The following LRP1B variants were observed in gnomAD, a reference collection of about 807,000 sequenced individuals.
The protein encoded by LRP1B is low-density lipoprotein receptor-related protein 1B.
LRP1B carries 217 observed loss-of-function variants against 556.6 expected under a neutral mutation model. That is an observed-to-expected ratio of 0.39 (90% CI 0.35 to 0.44). The LOEUF is 0.44. LRP1B is among the 20% of genes least tolerant of loss of function. The pLI, the probability that LRP1B is intolerant of heterozygous loss-of-function variation, is 1.00. For missense variants in LRP1B, 5,053 were observed against 5,620.8 expected (o/e 0.90, Z 3.23); for synonymous variants, 2,047 against 1,865.8 (o/e 1.10, Z -2.50).
chr2:140,580,114 C>T (rs1274823368), intron 43 of LRP1B, among the ~76,000 whole-genome samples: 3 of 152,140 alleles, frequency 2.0e-5, no homozygotes, highest in Non-Finnish European at 4.4e-5. Context: ...ACTGTGGCTG[C>T]TGATCTGGTG....
chr2:142,016,121 C>T (rs1489532384), intron 1 of LRP1B, among the ~76,000 whole-genome samples: 1 of 149,776 alleles, frequency 6.7e-6, no homozygotes, highest in Non-Finnish European at 1.5e-5. Flanking sequence ...CAAATGAAAA[C>T]CACAATGAGA....
At chr2:141,661,013 G>C (rs183254265) in intron 2 of LRP1B, among the ~76,000 whole-genome samples, 1 of 152,170 alleles carries the variant, frequency 6.6e-6, no homozygotes, top group East Asian at 1.9e-4. Flanking sequence ...GACACCTCCA[G>C]GTGCAGGAGG....
At chr2:140,715,867 C>A in intron 37 of LRP1B, 106 bp downstream of exon 37, 1 of 904,848 alleles carries the variant, frequency 1.1e-6, no homozygotes, top group East Asian at 2.6e-5. Context: ...GTAAGATATT[C>A]TTGATTTTGT....
rs1204893324 is a variant in LRP1B at position 141,265,476 on chromosome 2, T to TTC, written c.344-10836_344-10835insGA. 2.0e-5 allele frequency among the ~76,000 whole-genome samples: 3 copies of TTC among 152,176 alleles called. No individual in the cohort carries two copies. In the East Asian group the frequency reaches 5.8e-4, roughly 29 times the overall value. ...GCGCTAGAACTGTACCCTGCATGCA[T>TTC]AAGAGCCTTGAGGTCTATGCTGTGG... On this transcript the variant is annotated intron_variant, in intron 3 of 90. Coordinates refer to ENST00000389484, the MANE Select transcript of LRP1B (RefSeq NM_018557.3).
intron 43 of LRP1B, among the ~76,000 whole-genome samples, chr2:140,587,434 G>C (rs1384541111): frequency 6.6e-6 from 1 of 152,086 alleles, no homozygotes; most frequent in African/African-American, 2.4e-5. Context: ...TGACAACATG[G>C]GTGAACTTGG....
intron 60 of LRP1B, among the ~76,000 whole-genome samples, chr2:140,471,282 G>C (rs1687756226): frequency 1.3e-5 from 2 of 152,008 alleles, no homozygotes; most frequent in Admixed American, 1.3e-4. Context: ...TTAGGGAAGG[G>C]CATAATATAG....
chr2:141,733,815 A>G (rs963133552), intron 2 of LRP1B, among the ~76,000 whole-genome samples: 11 of 152,152 alleles, frequency 7.2e-5, no homozygotes, highest in Non-Finnish European at 1.5e-4. Context: ...TCTTATTGTG[A>G]TAGTTCAGAC....
chr2:140,875,494 T>C (rs1202982536), intron 25 of LRP1B, among the ~76,000 whole-genome samples: 1 of 152,182 alleles, frequency 6.6e-6, no homozygotes, highest in Non-Finnish European at 1.5e-5. Context: ...AAATTAAGTC[T>C]CCTCTCTCAA....
At chr2:141,322,538 G>A (rs2105473781) in intron 3 of LRP1B, among the ~76,000 whole-genome samples, 1 of 152,146 alleles carries the variant, frequency 6.6e-6, no homozygotes, top group South Asian at 2.1e-4. Flanking sequence ...AGGAAGCTGT[G>A]TAGGGTGATT....
At chr2:141,139,515 A>T (rs1436161855) in intron 7 of LRP1B, among the ~76,000 whole-genome samples, 2 of 152,038 alleles carry the variant, frequency 1.3e-5, no homozygotes, top group South Asian at 2.1e-4. Flanking sequence ...AAGAAAAAAA[A>T]ATTATCCTAC....
At chr2:140,553,459 G>T (rs10169432) in intron 43 of LRP1B, among the ~76,000 whole-genome samples, 68,939 of 150,874 alleles carry the variant, frequency 0.46, 16,210 homozygotes, top group East Asian at 0.58. Context: ...ATGCAATAAA[G>T]TTCCTTAATA....
chr2:141,770,202 C>CT (rs936061952), intron 2 of LRP1B, among the ~76,000 whole-genome samples: 4 of 151,734 alleles, frequency 2.6e-5, no homozygotes, highest in African/African-American at 9.7e-5. Flanking sequence ...AGACATGTGC[C>CT]TTTTTTGCAT....
chr2:141,602,113 C>T (rs573877222), intron 2 of LRP1B, among the ~76,000 whole-genome samples: 1 of 152,214 alleles, frequency 6.6e-6, no homozygotes, highest in Non-Finnish European at 1.5e-5. Flanking sequence ...TTAAGAATGC[C>T]TGTATCCGTG....
In LRP1B at chr2:141,420,449, A is replaced by G. The variant is rs117994078; in HGVS notation, c.343+59947T>C. ...TTTTGGAGAAATAATACTTTTCTGG[A>G]CCTGTGAATGCAATTCTTCAGTTAG... On this transcript the variant is annotated intron_variant, in intron 3 of 90. Coordinates refer to ENST00000389484, the MANE Select transcript of LRP1B (RefSeq NM_018557.3). 7.4e-3 allele frequency among the ~76,000 whole-genome samples: 1,133 copies of G among 152,238 alleles called. 27 individuals carry two copies. The highest frequency in any genetic ancestry group is 0.062 in the East Asian group (322 of 5,168).
At chr2:141,810,024 C>G (rs547884484) in intron 2 of LRP1B, among the ~76,000 whole-genome samples, 1 of 149,380 alleles carries the variant, frequency 6.7e-6, no homozygotes, top group African/African-American at 2.5e-5. Flanking sequence ...GCATTTTATG[C>G]TCTCCTTCAC....
At chr2:141,427,653 A>T (rs116509183) in intron 3 of LRP1B, among the ~76,000 whole-genome samples, 1 of 152,254 alleles carries the variant, frequency 6.6e-6, no homozygotes, top group East Asian at 1.9e-4. Flanking sequence ...TAATATTTTC[A>T]TTTTCAAGTA....
At chr2:141,552,167 C>T (rs1051259646) in intron 2 of LRP1B, among the ~76,000 whole-genome samples, 4 of 151,986 alleles carry the variant, frequency 2.6e-5, no homozygotes, top group African/African-American at 9.7e-5. Context: ...AATGCAGTAT[C>T]ATTGGTATCA....
At chr2:140,764,523 T>C (rs1167994760) in intron 35 of LRP1B, among the ~76,000 whole-genome samples, 1 of 152,182 alleles carries the variant, frequency 6.6e-6, no homozygotes. Context: ...AATATGAATG[T>C]CGTGGGACTA....
At chr2:141,495,210 T>C (rs1465294886) in intron 2 of LRP1B, among the ~76,000 whole-genome samples, 1 of 152,146 alleles carries the variant, frequency 6.6e-6, no homozygotes, top group East Asian at 1.9e-4. Context: ...AGCTTTACAA[T>C]GAATTCTGCT....
Sources: allele counts gnomAD v4.1 joint callset (sites outside exome capture counted in the v4.1 genomes callset), GRCh38; gene constraint gnomAD v4.1.1; transcripts MANE v1.5; gene names NCBI Gene and HGNC (gene_info 2026-07-23, HGNC 2026-07-21).